The following ADCYAP1 variants were observed in gnomAD, a reference collection of about 807,000 sequenced individuals.
ADCYAP1 encodes the protein pituitary adenylate cyclase-activating polypeptide.
Under a neutral mutation model 18.5 loss-of-function variants are expected in ADCYAP1, and 6 were observed. The ratio of observed to expected loss-of-function variants is 0.32; its 90% CI spans 0.18 to 0.64. The LOEUF (loss-of-function observed/expected upper bound fraction) is 0.64, where lower values mean the gene tolerates loss of function less well. Among genes scored for constraint, ADCYAP1 ranks in the 30% least tolerant of loss-of-function variants. The pLI, the probability that ADCYAP1 is intolerant of heterozygous loss-of-function variation, is 0.77. For missense variants in ADCYAP1, 314 were observed against 253.6 expected, an observed-to-expected ratio of 1.24 and a Z score of -1.62; for synonymous variants, 136 against 113.9, an observed-to-expected ratio of 1.19 and a Z score of -1.24.
In ADCYAP1 at chr18:905,065, G is replaced by A; in HGVS notation, c.-2+5G>A. ...GGCAGCGGGAGGAGTTGAAGGGTAA[G>A]GGAGGGAAAATCTTACCAAAGCGAC... On this transcript the variant is annotated splice_donor_5th_base_variant and intron_variant, in intron 1 of 4. Transcript: ENST00000450565. 7.7e-7 allele frequency: 1 copy of A among 1,293,854 alleles called. No homozygotes were observed. The highest frequency in any genetic ancestry group is 4.4e-5 in the East Asian group (1 of 22,618). 80.1% of individuals were successfully genotyped at this position (1,293,854 alleles called of 1,614,324 possible). A position where few individuals can be genotyped will look rare whatever the true frequency, so the allele number is the denominator to read the frequency against.
At chr18:907,890 T>C (rs1381460828) in intron 3 of ADCYAP1, 100 bp downstream of exon 3, 13 of 944,436 alleles carry the variant, frequency 1.4e-5, no homozygotes, top group Middle Eastern at 3.4e-4. Flanking sequence ...TTTTTTTTTT[T>C]CCCGTGAAAG....
chr18:909,429 G>A lies in ADCYAP1; in HGVS notation c.342-17G>A, dbSNP rs1909301428. The A allele has an allele frequency of 1.2e-6, 2 of 1,605,346 alleles. No homozygotes were observed. On this transcript the variant is annotated splice_polypyrimidine_tract_variant and intron_variant, in intron 4 of 4. Transcript: ENST00000450565. Reference sequence around the variant, plus strand: ...TCTCCCGCCCCGCCACCCTCTTCCCGACCCCTTTGCTTGCAGTGGGAGCCT... The same window carrying A: ...TCTCCCGCCCCGCCACCCTCTTCCCAACCCCTTTGCTTGCAGTGGGAGCCT...
At chr18:904,704 T>C (rs189269950), upstream of ADCYAP1, 615 of 1,224,588 alleles carry the variant, frequency 5.0e-4, no homozygotes, top group Non-Finnish European at 6.0e-4. Flanking sequence ...TGACTTTCCC[T>C]CTTTCCCTTA....
upstream of ADCYAP1, chr18:904,556 A>T: frequency 7.8e-7 from 1 of 1,289,000 alleles, no homozygotes; most frequent in Non-Finnish European, 1.0e-6. Context: ...GCAGCAGCAG[A>T]AGCCGCAGCT....
intron 4 of ADCYAP1, 111 bp downstream of exon 4, chr18:908,474 C>A: frequency 1.2e-6 from 1 of 845,044 alleles, no homozygotes; most frequent in Non-Finnish European, 1.8e-6. Context: ...GTCTGCGCCC[C>A]TGGGTCTGGG....
chr18:905,458 C>A lies in ADCYAP1; in HGVS notation c.72C>A (p.Ser24Arg). The change falls in exon 2 of 5, where the codon AGC becomes AGA. Residue 24 changes from serine (S) to arginine (R), a missense_variant. Physicochemically the swap from Ser to Arg is moderately radical, Grantham distance 110. Transcript: ENST00000450565. ...YGIIMHSSVY[S>R]SPAAAGLRFP... is the part of the protein sequence containing the mutation. ...TAATCATGCACAGCAGCGTCTACAG[C>A]TCACCTGCCGCCGCCGGACTCCGGT... 3 of 1,611,060 alleles carry A rather than the reference C, an allele frequency of 1.9e-6. No homozygotes were observed. Among genetic ancestry groups the A allele is most frequent in the Non-Finnish European group, 2.5e-6 (3 of 1,180,014 alleles).
At chr18:908,091 C>T (rs949199434) in intron 3 of ADCYAP1, 174 bp from the exon 4 acceptor site, 32 of 674,474 alleles carry the variant, frequency 4.7e-5, no homozygotes, top group Admixed American at 3.0e-5. Flanking sequence ...GCTCCCGATC[C>T]TAGCAGTTGC....
intron 3 of ADCYAP1, 157 bp from the exon 4 acceptor site, chr18:908,108 G>T: frequency 1.4e-6 from 1 of 708,824 alleles, no homozygotes; most frequent in South Asian, 2.1e-5. Context: ...TTGCTCTCGA[G>T]ATCATCCCGG....
At chr18:904,834 C>T (rs1467764168), upstream of ADCYAP1, 10 of 1,286,136 alleles carry the variant, frequency 7.8e-6, no homozygotes, top group South Asian at 1.2e-5. Context: ...CCGTGTCACG[C>T]TCCCTCCTGG....
rs1909311160 is a variant in ADCYAP1, at chr18:909,611, A to G, written c.507A>G (p.Lys169=). 1 of 1,613,790 alleles carries G rather than the reference A, an allele frequency of 6.2e-7. No homozygotes were observed. The highest frequency in any genetic ancestry group is 8.5e-7 in the Non-Finnish European group (1 of 1,179,816). Residue 169 remains lysine (K), a synonymous_variant, in exon 5 of 5, where the codon AAA becomes AAG. Transcript: ENST00000450565. ...GGTATAAACAAAGGGTTAAAAACAA[A>G]GGACGCCGAATAGCTTATTTGTAGC... is the stretch of plus-strand genomic sequence containing the variant. The part of the protein sequence containing the change: ...GKRYKQRVKN[K]GRRIAYL
At chr18:904,711 C>T, upstream of ADCYAP1, 2 of 1,229,910 alleles carry the variant, frequency 1.6e-6, no homozygotes, top group Non-Finnish European at 1.0e-6. Context: ...CCCTCTTTCC[C>T]TTAATCGCCT....
At chr18:908,090 C>A (rs1909246331) in intron 3 of ADCYAP1, 175 bp from the exon 4 acceptor site, 2 of 675,684 alleles carry the variant, frequency 3.0e-6, no homozygotes, top group Non-Finnish European at 4.9e-6. Flanking sequence ...AGCTCCCGAT[C>A]CTAGCAGTTG....
In ADCYAP1 at chr18:905,070, G is replaced by A. The variant is rs1397101971; in HGVS notation, c.-2+10G>A. 9.3e-6 allele frequency: 12 copies of A among 1,294,166 alleles called. No homozygotes were observed. In the East Asian group the frequency reaches 2.1e-4, roughly 23 times the overall value. The allele number at this position is 1,294,166 out of a possible 1,614,324, so 80.2% of individuals were successfully genotyped here. On this transcript the variant is annotated intron_variant, in intron 1 of 4. Transcript: ENST00000450565. Reference sequence around the variant, plus strand: ...CGGGAGGAGTTGAAGGGTAAGGGAGGGAAAATCTTACCAAAGCGACCGGCT... The same window carrying A: ...CGGGAGGAGTTGAAGGGTAAGGGAGAGAAAATCTTACCAAAGCGACCGGCT...
chr18:908,371 T>C lies in ADCYAP1; in HGVS notation c.341+8T>C. On this transcript the variant is annotated splice_region_variant and intron_variant, in intron 4 of 4. Coordinates refer to ENST00000450565, the MANE Select transcript of ADCYAP1 (RefSeq NM_001099733.2). The stretch of plus-strand genomic sequence containing the variant: ...CGTGGCCCGGGGCGTGGGGTAAGAG[T>C]TTGTGGAAGGATTAACCTGCGCGCG... The C allele has an allele frequency of 6.2e-7, 1 of 1,607,332 alleles. No individual in the cohort carries two copies. Among genetic ancestry groups the C allele is most frequent in the Non-Finnish European group, 8.5e-7 (1 of 1,176,554 alleles).
chr18:907,897 A>T, intron 3 of ADCYAP1, 107 bp downstream of exon 3: 1 of 1,373,102 alleles, frequency 7.3e-7, no homozygotes, highest in Non-Finnish European at 9.3e-7. Flanking sequence ...TTTTCCCGTG[A>T]AAGTCCTCAA....
chr18:910,146 T>C lies in ADCYAP1; in HGVS notation c.*511T>C, dbSNP rs1437824772. On this transcript the variant is annotated 3_prime_UTR_variant, in exon 5 of 5. Coordinates refer to ENST00000450565, the MANE Select transcript of ADCYAP1 (RefSeq NM_001099733.2). ...GCCCTGCTCCAGGGAGATTTTGAGG[T>C]AAAGATATGGAGAATTGCTGAAGGG... The C allele has an allele frequency of 6.6e-6, 1 of 152,528 alleles. No individual in the cohort carries two copies. Among genetic ancestry groups the C allele is most frequent in the Non-Finnish European group, 1.5e-5 (1 of 68,016 alleles). 9.4% of individuals were successfully genotyped at this position (152,528 alleles called of 1,614,324 possible). A position where few individuals can be genotyped will look rare whatever the true frequency, so the allele number is the denominator to read the frequency against.
intron 4 of ADCYAP1, 84 bp from the exon 5 acceptor site, chr18:909,362 T>G: frequency 7.2e-7 from 1 of 1,383,338 alleles, no homozygotes; most frequent in Non-Finnish European, 9.8e-7. Flanking sequence ...GGCTCCCGCG[T>G]GGGGTGGGGC....
chr18:907,615 G>A, intron 2 of ADCYAP1, 44 bp from the exon 3 acceptor site: 1 of 1,553,122 alleles, frequency 6.4e-7, no homozygotes, highest in Non-Finnish European at 8.6e-7. Flanking sequence ...GAGCTGGGGA[G>A]GAACTTGCAC....
At position 908,246 on chromosome 18, in the gene ADCYAP1, C is replaced by A; in HGVS notation, c.243-19C>A. 1 of 1,602,706 alleles carries A rather than the reference C, an allele frequency of 6.2e-7. No individual in the cohort carries two copies. Among genetic ancestry groups the A allele is most frequent in the Non-Finnish European group, 8.5e-7 (1 of 1,172,414 alleles). On this transcript the variant is annotated intron_variant, in intron 3 of 4. Coordinates refer to ENST00000450565, the MANE Select transcript of ADCYAP1 (RefSeq NM_001099733.2). ...GACAGAAACAGTGACCCTGGGCGCG[C>A]ACTTTGCCTCCCCGTTAGAGATGTC... is the stretch of plus-strand genomic sequence containing the variant.
Sources: gnomAD v4.1 joint callset for allele counts on GRCh38, gnomAD v4.1.1 for gene constraint, MANE v1.5 for transcripts, NCBI Gene and HGNC (gene_info 2026-07-23, HGNC 2026-07-21) for gene names.